Variants in LRRC4C observed in about 807,000 individuals in gnomAD.
LRRC4C encodes leucine rich repeat containing 4C.
Under a neutral mutation model 33.6 loss-of-function variants are expected in LRRC4C, and 5 were observed. The ratio of observed to expected loss-of-function variants is 0.15; its 90% CI spans 0.08 to 0.31. The LOEUF is 0.31. Among genes scored for constraint, LRRC4C ranks in the 10% least tolerant of loss-of-function variants. The pLI is 1.00. For synonymous variants in LRRC4C, 329 were observed against 302.0 expected (o/e 1.09, Z -0.93); for missense variants, 560 against 796.7 (o/e 0.70, Z 3.58).
intron 1 of LRRC4C, among the ~76,000 whole-genome samples, chr11:41,320,812 C>T (rs1950935781): frequency 6.6e-6 from 1 of 152,150 alleles, no homozygotes; most frequent in Non-Finnish European, 1.5e-5. Flanking sequence ...AGATGTCTGT[C>T]TTTACATCTG....
intron 2 of LRRC4C, among the ~76,000 whole-genome samples, chr11:40,778,645 GGGGCT>G (rs1217345787): frequency 2.0e-5 from 3 of 152,168 alleles, no homozygotes; most frequent in Admixed American, 6.5e-5. Context: ...GAAGGAAAAA[GGGGCT>G]GGCTAAATAG....
At chr11:41,358,474 T>C (rs1164501598) in intron 1 of LRRC4C, among the ~76,000 whole-genome samples, 1 of 152,034 alleles carries the variant, frequency 6.6e-6, no homozygotes, top group Non-Finnish European at 1.5e-5. Flanking sequence ...AGCCAGAAAC[T>C]GGGAGAAAGT....
At chr11:41,132,754 A>G (rs1380270160) in intron 1 of LRRC4C, among the ~76,000 whole-genome samples, 3 of 152,136 alleles carry the variant, frequency 2.0e-5, no homozygotes, top group Non-Finnish European at 4.4e-5. Context: ...AAAGTTGCTC[A>G]ATTTCCATTA....
chr11:40,336,828 T>G (rs925968309), intron 3 of LRRC4C, among the ~76,000 whole-genome samples: 7 of 151,276 alleles, frequency 4.6e-5, no homozygotes, highest in Admixed American at 4.0e-4. Context: ...TACAAAAAAA[T>G]TAGTCGGGAG....
At chr11:40,653,611 T>A (rs558212242) in intron 2 of LRRC4C, among the ~76,000 whole-genome samples, 2 of 152,196 alleles carry the variant, frequency 1.3e-5, no homozygotes, top group Non-Finnish European at 2.9e-5. Flanking sequence ...GGTTTGGAAT[T>A]GAAACTTATG....
chr11:40,311,098 T>C (rs376155505), intron 4 of LRRC4C, among the ~76,000 whole-genome samples: 215 of 152,314 alleles, frequency 1.4e-3, no homozygotes, highest in African/African-American at 4.8e-3. Context: ...TCATTTTTTT[T>C]CCAAAACTTT....
intron 3 of LRRC4C, among the ~76,000 whole-genome samples, chr11:40,487,980 A>G (rs796248768): frequency 6.6e-6 from 1 of 152,110 alleles, no homozygotes; most frequent in African/African-American, 2.4e-5. Flanking sequence ...ATCAACATCC[A>G]CATTAAGGAT....
At chr11:40,779,503 C>T (rs183775364) in intron 2 of LRRC4C, among the ~76,000 whole-genome samples, 138 of 152,202 alleles carry the variant, frequency 9.1e-4, no homozygotes, top group Admixed American at 2.9e-3. Context: ...TATATGTGCT[C>T]ATTTCTTATA....
intron 1 of LRRC4C, among the ~76,000 whole-genome samples, chr11:41,432,360 G>A (rs1005937566): frequency 6.6e-6 from 1 of 152,146 alleles, no homozygotes; most frequent in Non-Finnish European, 1.5e-5. Flanking sequence ...ATTACCACTT[G>A]AGTGTGAAGC....
At chr11:41,170,962 T>G (rs1944949366) in intron 1 of LRRC4C, among the ~76,000 whole-genome samples, 1 of 152,020 alleles carries the variant, frequency 6.6e-6, no homozygotes, top group Non-Finnish European at 1.5e-5. Flanking sequence ...CAGACACTTC[T>G]CAAAAGAAGA....
intron 2 of LRRC4C, among the ~76,000 whole-genome samples, chr11:40,726,505 A>T (rs1396246593): frequency 1.3e-5 from 2 of 152,214 alleles, no homozygotes; most frequent in Non-Finnish European, 2.9e-5. Flanking sequence ...ACATAGAAAA[A>T]ACATATGATC....
chr11:40,793,857 CTG>C (rs1950720666), intron 2 of LRRC4C, among the ~76,000 whole-genome samples: 1 of 152,138 alleles, frequency 6.6e-6, no homozygotes, highest in South Asian at 2.1e-4. Flanking sequence ...ACAAACAATT[CTG>C]TAATTAGAAA....
chr11:40,577,742 ATGCCCG>A (rs1407132356), intron 3 of LRRC4C, among the ~76,000 whole-genome samples: 1 of 152,106 alleles, frequency 6.6e-6, no homozygotes, highest in Non-Finnish European at 1.5e-5. Context: ...CTGGCTCAAA[ATGCCCG>A]TAACGCTGCT....
At chr11:40,777,908 T>C (rs935546890) in intron 2 of LRRC4C, among the ~76,000 whole-genome samples, 20 of 152,116 alleles carry the variant, frequency 1.3e-4, no homozygotes, top group African/African-American at 4.6e-4. Flanking sequence ...CAGGATGGTC[T>C]CGATCTCCTG....
At chr11:40,183,110 T>A (rs554278416) in intron 5 of LRRC4C, among the ~76,000 whole-genome samples, 19 of 152,336 alleles carry the variant, frequency 1.2e-4, no homozygotes, top group Non-Finnish European at 2.4e-4. Flanking sequence ...AGAGATTTTT[T>A]AAAAAAATGT....
chr11:41,440,354 G>A (rs1285496049), intron 1 of LRRC4C, among the ~76,000 whole-genome samples: 1 of 152,152 alleles, frequency 6.6e-6, no homozygotes, highest in Non-Finnish European at 1.5e-5. Flanking sequence ...ATAATCTAAT[G>A]ATGATGGTGA....
intron 3 of LRRC4C, among the ~76,000 whole-genome samples, chr11:40,633,857 AT>A (rs944327175): frequency 2.0e-5 from 3 of 152,204 alleles, no homozygotes; most frequent in African/African-American, 7.2e-5. Context: ...TTATGTGAGT[AT>A]TTTGTAGGCA....
chr11:40,877,386 C>T (rs1591969570), intron 2 of LRRC4C, among the ~76,000 whole-genome samples: 1 of 152,076 alleles, frequency 6.6e-6, no homozygotes, highest in Non-Finnish European at 1.5e-5. Context: ...CATTTACATC[C>T]CCTGAAAAAT....
At chr11:41,143,534 T>C (rs1331897267) in intron 1 of LRRC4C, among the ~76,000 whole-genome samples, 2 of 152,166 alleles carry the variant, frequency 1.3e-5, no homozygotes, top group Non-Finnish European at 2.9e-5. Context: ...TGCAGTGACG[T>C]TCTTGGTCCT....
Sources: allele counts gnomAD v4.1 joint callset (sites outside exome capture counted in the v4.1 genomes callset), GRCh38; gene constraint gnomAD v4.1.1; transcripts MANE v1.5; gene names NCBI Gene and HGNC (gene_info 2026-07-23, HGNC 2026-07-21).